The following PDE4D variants were observed in gnomAD, a reference collection of about 807,000 sequenced individuals.
PDE4D encodes 3',5'-cyclic-AMP phosphodiesterase 4D.
In PDE4D, 24 loss-of-function variants were observed where a neutral mutation model predicts 87.4. That is an observed-to-expected ratio of 0.27 (90% CI 0.20 to 0.39). The LOEUF (loss-of-function observed/expected upper bound fraction) is 0.39, where lower values mean the gene tolerates loss of function less well. Among genes scored for constraint, PDE4D ranks in the 10% least tolerant of loss-of-function variants. The pLI, the probability that PDE4D is intolerant of heterozygous loss-of-function variation, is 1.00. For missense variants in PDE4D, 714 were observed against 1,041.0 expected (o/e 0.69, Z 4.32); for synonymous variants, 384 against 383.2 (o/e 1.00, Z -0.02).
At chr5:59,570,931 A>C (rs542225496) in intron 1 of PDE4D, among the ~76,000 whole-genome samples, 1 of 152,358 alleles carries the variant, frequency 6.6e-6, no homozygotes, top group Admixed American at 6.5e-5. Flanking sequence ...AAAGAAATAC[A>C]TTAAATATCT....
At chr5:59,420,579 A>G (rs548783478) in intron 1 of PDE4D, among the ~76,000 whole-genome samples, 34 of 152,182 alleles carry the variant, frequency 2.2e-4, no homozygotes, top group African/African-American at 8.2e-4. Flanking sequence ...TGCAAATCAA[A>G]ATGGCCAAGA....
At chr5:60,300,058 T>A (rs1431179708) in intron 1 of PDE4D, among the ~76,000 whole-genome samples, 1 of 152,098 alleles carries the variant, frequency 6.6e-6, no homozygotes, top group Non-Finnish European at 1.5e-5. Context: ...TTTACCAGTA[T>A]CTGTTGTTTT....
chr5:59,235,927 AC>A, intron 1 of PDE4D, among the ~76,000 whole-genome samples: 1 of 152,334 alleles, frequency 6.6e-6, no homozygotes, highest in African/African-American at 2.4e-5. Context: ...AACATATCAG[AC>A]CAGCTTTGCA....
chr5:59,966,889 T>C (rs915348170), intron 3 of PDE4D, among the ~76,000 whole-genome samples: 5 of 152,228 alleles, frequency 3.3e-5, no homozygotes, highest in African/African-American at 1.2e-4. Flanking sequence ...AGGCAGATTT[T>C]CACTGTATTT....
intron 1 of PDE4D, among the ~76,000 whole-genome samples, chr5:59,873,599 G>A (rs1398759818): frequency 6.6e-6 from 1 of 152,146 alleles, no homozygotes; most frequent in Non-Finnish European, 1.5e-5. Context: ...AAGTTGGTTC[G>A]ACACAGTACA....
chr5:59,391,541 C>G (rs970704667), intron 1 of PDE4D, among the ~76,000 whole-genome samples: 1 of 152,086 alleles, frequency 6.6e-6, no homozygotes, highest in Non-Finnish European at 1.5e-5. Context: ...TCTTTCTTCC[C>G]TTATTCCCCT....
At chr5:59,636,460 CA>C (rs1374206127) in intron 1 of PDE4D, among the ~76,000 whole-genome samples, 8 of 151,706 alleles carry the variant, frequency 5.3e-5, no homozygotes, top group African/African-American at 1.7e-4. Flanking sequence ...AACAAACAAA[CA>C]AAAAACAAAG....
intron 1 of PDE4D, among the ~76,000 whole-genome samples, chr5:59,273,391 A>T (rs1764222731): frequency 6.6e-6 from 1 of 151,960 alleles, no homozygotes; most frequent in African/African-American, 2.4e-5. Context: ...TCTATATACC[A>T]AATCTATAAT....
chr5:59,215,824 G>A lies in PDE4D; in HGVS notation c.600C>T (p.Asp200=), dbSNP rs1431664885. The part of the protein sequence containing the change: ...SFLYRSDSDY[D]LSPKSMSRNS... ...TCCGGGACATAGACTTTGGAGAGAG[G>A]TCATAATCGCTGTCGGATCGATACA... Residue 200 remains aspartate (D), a synonymous_variant, in exon 2 of 15, where the codon GAC becomes GAT. Transcript: ENST00000340635. 1.2e-6 allele frequency: 2 copies of A among 1,613,504 alleles called. No homozygotes were observed. The highest frequency in any genetic ancestry group is 3.3e-5 in the Admixed American group (2 of 59,966).
chr5:59,045,128 A>C (rs888034834), intron 5 of PDE4D, among the ~76,000 whole-genome samples: 1 of 152,218 alleles, frequency 6.6e-6, no homozygotes, highest in Non-Finnish European at 1.5e-5. Flanking sequence ...GGACAGTAAA[A>C]GAGGACTATT....
rs113012925 is a variant in PDE4D at position 60,229,114 on chromosome 5, G to A, written c.-89-43427C>T. Among the ~76,000 whole-genome samples the A allele has an allele frequency of 1.2e-4, 18 of 152,146 alleles. 1 individual carries two copies. Among genetic ancestry groups the A allele is most frequent in the South Asian group, 1.0e-3 (5 of 4,830 alleles). On this transcript the variant is annotated intron_variant, in intron 1 of 16. Coordinates refer to the PDE4D transcript ENST00000502484. ...TATCAATATTCTCTTCTTTCTGCAC[G>A]TAATAAGAAGCCAAGCATTGGAAAG...
intron 1 of PDE4D, among the ~76,000 whole-genome samples, chr5:60,316,052 C>T (rs1466142541): frequency 6.6e-6 from 1 of 152,108 alleles, no homozygotes; most frequent in East Asian, 1.9e-4. Flanking sequence ...ATGGGGATGG[C>T]ATTGAATCGA....
chr5:60,344,570 T>G (rs1758583602), intron 1 of PDE4D, among the ~76,000 whole-genome samples: 1 of 152,170 alleles, frequency 6.6e-6, no homozygotes, highest in Admixed American at 6.6e-5. Flanking sequence ...TCTCTTGCAT[T>G]TTATCCTATA....
intron 1 of PDE4D, among the ~76,000 whole-genome samples, chr5:60,469,072 C>T (rs1469894518): frequency 6.6e-6 from 1 of 152,124 alleles, no homozygotes; most frequent in Non-Finnish European, 1.5e-5. Context: ...GGGAATAGCA[C>T]ACATTTATAA....
At chr5:59,302,742 T>G (rs185944517) in intron 1 of PDE4D, among the ~76,000 whole-genome samples, 82 of 152,308 alleles carry the variant, frequency 5.4e-4, no homozygotes, top group Non-Finnish European at 9.4e-4. Context: ...TATTTCATTG[T>G]ATATATATCT....
intron 2 of PDE4D, among the ~76,000 whole-genome samples, chr5:60,048,749 G>C (rs1769671139): frequency 1.3e-5 from 2 of 152,012 alleles, no homozygotes; most frequent in South Asian, 4.2e-4. Context: ...TTAGTCTGAT[G>C]GGCTTCCCTT....
At chr5:59,204,178 G>C (rs778712276) in intron 2 of PDE4D, among the ~76,000 whole-genome samples, 1 of 146,618 alleles carries the variant, frequency 6.8e-6, no homozygotes, top group Non-Finnish European at 1.5e-5. Context: ...ATTAGAGCCC[G>C]GCCCCATCTT....
chr5:59,323,397 A>G (rs193204069), intron 1 of PDE4D, among the ~76,000 whole-genome samples: 2 of 152,178 alleles, frequency 1.3e-5, no homozygotes, highest in African/African-American at 4.8e-5. Context: ...GCATTTGAAA[A>G]TGCTTTAAGG....
At chr5:60,289,608 T>C (rs1752711485) in intron 1 of PDE4D, among the ~76,000 whole-genome samples, 1 of 152,194 alleles carries the variant, frequency 6.6e-6, no homozygotes, top group Admixed American at 6.5e-5. Context: ...ACTGAGATGG[T>C]TATAGAATCT....
Sources: gnomAD v4.1 joint callset for allele counts (sites outside exome capture counted in the v4.1 genomes callset) on GRCh38, gnomAD v4.1.1 for gene constraint, MANE v1.5 for transcripts, NCBI Gene and HGNC (gene_info 2026-07-23, HGNC 2026-07-21) for gene names.